BBS7: variants seen among roughly 807,000 people sequenced by gnomAD.
BBS7 encodes BBSome complex member BBS7.
In BBS7, 50 loss-of-function variants were observed where a neutral mutation model predicts 90.3. The ratio of observed to expected loss-of-function variants is 0.55; its 90% confidence interval spans 0.44 to 0.70. The LOEUF (loss-of-function observed/expected upper bound fraction) is 0.70. Ranked by LOEUF, BBS7 falls within the 30% of genes least tolerant of loss-of-function variation. BBS7 has a pLI of 0.00. For synonymous variants in BBS7, 235 were observed against 287.4 expected (o/e 0.82, Z 1.85); for missense variants, 729 against 838.9 (o/e 0.87, Z 1.62).
Position 121,854,814 on chromosome 4 carries a change from G to A in BBS7, c.608C>T (p.Ser203Phe), listed in dbSNP as rs1560659681. ...TGTCCCAAACAAAAGGTCTTCTCCAGAGTCACCTACTTATAATTAAAGTCA... is the reference window on the plus strand; with the variant it reads ...TGTCCCAAACAAAAGGTCTTCTCCAAAGTCACCTACTTATAATTAAAGTCA... ...LALHNGNGGDSGEDLLFGTSD... is the reference protein window; with the variant it reads ...LALHNGNGGDFGEDLLFGTSD... Residue 203 changes from serine to phenylalanine, a missense_variant, in exon 7 of 19, where the codon TCT (serine) becomes TTT (phenylalanine). Physicochemically the swap from Ser to Phe is radical, Grantham distance 155. Coordinates refer to ENST00000264499, the MANE Select transcript of BBS7 (RefSeq NM_176824.3). 6.2e-7 allele frequency: 1 copy of A among 1,611,290 alleles called. No homozygotes were observed. The highest frequency in any genetic ancestry group is 8.5e-7 in the Non-Finnish European group (1 of 1,178,162).
intron 6 of BBS7, among the ~76,000 whole-genome samples, chr4:121,855,140 C>T (rs1218326830): frequency 1.3e-5 from 2 of 151,856 alleles, no homozygotes; most frequent in East Asian, 3.9e-4. Flanking sequence ...TGGCGAAACC[C>T]TGTCTCTATA....
In BBS7 at chr4:121,863,273, T is replaced by C. The variant is rs1294638056; in HGVS notation, c.109A>G (p.Ile37Val). ...ATAACTACCCCATCATGATCTCCAA[T>C]AACCACCTGTAATAGATGGAAGATA... ...SRHRATQKVVIGDHDGVVMCF... is the reference protein window; with the variant it reads ...SRHRATQKVVVGDHDGVVMCF... The change falls in exon 3 of 19, where the codon ATT becomes GTT. Residue 37 changes from isoleucine to valine, a missense_variant. By Grantham distance (29) the Ile-to-Val change is conservative. Transcript: ENST00000264499. 2 of 1,612,270 alleles carry C rather than the reference T, an allele frequency of 1.2e-6. No individual in the cohort carries two copies. The highest frequency in any genetic ancestry group is 1.7e-6 in the Non-Finnish European group (2 of 1,178,570).
chr4:121,847,646 T>A (rs1341149058), intron 9 of BBS7, 140 bp from the exon 10 acceptor site: 3 of 638,620 alleles, frequency 4.7e-6, no homozygotes, highest in Non-Finnish European at 8.4e-6. Flanking sequence ...AGGACTTCAT[T>A]CAAAAACAAA....
Position 121,828,346 on chromosome 4 carries a change from A to G in BBS7, c.1890+56T>C, listed in dbSNP as rs569060795. 5.7e-6 allele frequency: 9 copies of G among 1,591,620 alleles called. No homozygotes were observed. In the East Asian group the frequency reaches 2.0e-4, roughly 36 times the overall value. On this transcript the variant is annotated intron_variant, in intron 17 of 18. Transcript: ENST00000264499. ...GTAATGTTAAAGTATTGATAATTTT[A>G]GAAATCCTATGACTTCAAATAATAA...
chr4:121,830,961 A>C (rs993488413), intron 15 of BBS7, among the ~76,000 whole-genome samples: 21 of 152,336 alleles, frequency 1.4e-4, no homozygotes, highest in African/African-American at 5.1e-4. Flanking sequence ...TAATACCAGT[A>C]CTTTGGGAGG....
intron 2 of BBS7, among the ~76,000 whole-genome samples, chr4:121,867,382 C>G (rs1270595981): frequency 6.6e-6 from 1 of 152,094 alleles, no homozygotes; most frequent in African/African-American, 2.4e-5. Context: ...TAATTTGACT[C>G]TCCTTTCCAA....
intron 12 of BBS7, among the ~76,000 whole-genome samples, chr4:121,843,605 C>A (rs111751135): frequency 0.024 from 3,644 of 152,252 alleles, 56 homozygotes; most frequent in Middle Eastern, 0.071. Context: ...TTCAGATTTT[C>A]AAATTTGGGG....
chr4:121,835,059 C>T, intron 14 of BBS7, 85 bp downstream of exon 14: 2 of 1,383,362 alleles, frequency 1.4e-6, no homozygotes, highest in South Asian at 1.3e-5. Context: ...AAATTGCTAA[C>T]AGAATTTACA....
chr4:121,868,718 A>C (rs1172504748), intron 1 of BBS7, among the ~76,000 whole-genome samples: 1 of 114,468 alleles, frequency 8.7e-6, no homozygotes, highest in Non-Finnish European at 1.9e-5. Flanking sequence ...AAAAAAAAAG[A>C]AGATTTATGC....
intron 2 of BBS7, among the ~76,000 whole-genome samples, chr4:121,863,632 T>C (rs1265955231): frequency 6.6e-6 from 1 of 152,154 alleles, no homozygotes; most frequent in African/African-American, 2.4e-5. Context: ...CAGAAATGCC[T>C]ACAAAGTAAT....
intron 6 of BBS7, 77 bp downstream of exon 6, chr4:121,855,412 T>G: frequency 7.6e-7 from 1 of 1,315,540 alleles, no homozygotes; most frequent in East Asian, 2.3e-5. Flanking sequence ...TTCTAGTTTA[T>G]GTCCTTTCTA....
At chr4:121,832,550 AG>A (rs1226373273) in intron 15 of BBS7, among the ~76,000 whole-genome samples, 3 of 152,136 alleles carry the variant, frequency 2.0e-5, no homozygotes, top group Non-Finnish European at 4.4e-5. Context: ...AGAAGTTGAG[AG>A]GAATTATTGG....
chr4:121,855,108 T>C (rs2149079620), intron 6 of BBS7, among the ~76,000 whole-genome samples: 2 of 151,520 alleles, frequency 1.3e-5, no homozygotes, highest in East Asian at 3.9e-4. Flanking sequence ...AGCCCAGGAG[T>C]TCCAGACTAA....
At chr4:121,867,208 G>C (rs1727330066) in intron 2 of BBS7, among the ~76,000 whole-genome samples, 1 of 151,686 alleles carries the variant, frequency 6.6e-6, no homozygotes, top group African/African-American at 2.4e-5. Flanking sequence ...TTGTGTTCTT[G>C]ATTTCTTTTT....
intron 2 of BBS7, among the ~76,000 whole-genome samples, chr4:121,867,195 G>T: frequency 6.6e-6 from 1 of 151,374 alleles, no homozygotes. Context: ...ATTATAATTG[G>T]GATTGTGTTC....
At chr4:121,833,125 A>T in intron 15 of BBS7, 106 bp downstream of exon 15, 1 of 1,086,804 alleles carries the variant, frequency 9.2e-7, no homozygotes, top group Non-Finnish European at 1.4e-6. Context: ...TGAACAGTAT[A>T]GATTTTCAAT....
intron 13 of BBS7, 119 bp downstream of exon 13, chr4:121,839,512 A>G: frequency 1.1e-6 from 1 of 886,232 alleles, no homozygotes; most frequent in South Asian, 1.5e-5. Flanking sequence ...TCATTACTCC[A>G]AACAATTCAT....
At chr4:121,852,560 G>A (rs1268596479) in intron 8 of BBS7, among the ~76,000 whole-genome samples, 1 of 151,806 alleles carries the variant, frequency 6.6e-6, no homozygotes, top group Non-Finnish European at 1.5e-5. Context: ...TTTGCTTAAG[G>A]TTATTTCTGA....
chr4:121,861,720 T>C (rs778933855), intron 3 of BBS7, 41 bp from the exon 4 acceptor site: 7 of 1,606,230 alleles, frequency 4.4e-6, no homozygotes, highest in African/African-American at 1.3e-5. Flanking sequence ...CAAATTACTT[T>C]ATTGTGAGCA....
Sources: gnomAD v4.1 joint callset for allele counts (sites outside exome capture counted in the v4.1 genomes callset) on GRCh38, gnomAD v4.1.1 for gene constraint, MANE v1.5 for transcripts, NCBI Gene and HGNC (gene_info 2026-07-23, HGNC 2026-07-21) for gene names.